The following REXO1 variants were observed in gnomAD, a reference collection of about 807,000 sequenced individuals.
REXO1 encodes the protein REX1, RNA exonuclease 1 homolog.
REXO1 carries 42 observed loss-of-function variants against 102.6 expected under a neutral mutation model. The ratio of observed to expected loss-of-function variants is 0.41; its 90% CI spans 0.32 to 0.53. REXO1 has a LOEUF of 0.53. Among genes scored for constraint, REXO1 ranks in the 20% least tolerant of loss-of-function variants. REXO1 has a pLI of 0.27. For synonymous variants in REXO1, 908 were observed against 779.1 expected (o/e 1.17, Z -2.76); for missense variants, 1,819 against 1,732.5 (o/e 1.05, Z -0.89).
At position 1,827,456 on chromosome 19, in the gene REXO1, T is replaced by C; in HGVS notation, c.1333A>G (p.Thr445Ala). The C allele has an allele frequency of 6.4e-7, 1 of 1,564,180 alleles. No homozygotes were observed. Among genetic ancestry groups the C allele is most frequent in the South Asian group, 1.2e-5 (1 of 86,202 alleles). ...KKPSSATPVATSGKGRPDRPA... is the reference protein window; with the variant it reads ...KKPSSATPVAASGKGRPDRPA... ...CGGTCAGGCCTCCCTTTCCCTGAGG[T>C]GGCCACAGGAGTGGCCGAAGATGGC... The change falls in exon 2 of 16, where the codon ACC becomes GCC. Residue 445 changes from threonine (T) to alanine (A), a missense_variant. Physicochemically the swap from Thr to Ala is moderately conservative, Grantham distance 58. Transcript: ENST00000170168.
rs1046074109 is a variant in REXO1, at chr19:1,815,270, T to G, written c.*796A>C. ...ATCTAAAATCCATACAAACATTTAT[T>G]CTGTCCCTGCCTGGAGGTGAGGGGG... On this transcript the variant is annotated 3_prime_UTR_variant, in exon 16 of 16. Coordinates refer to ENST00000170168, the MANE Select transcript of REXO1 (RefSeq NM_020695.4). This position sits in a 1 kb window ranked among gnomAD's most constrained non-coding sequence, Gnocchi z 4.0. 6.5e-6 allele frequency: 1 copy of G among 152,830 alleles called. No homozygotes were observed. The highest frequency in any genetic ancestry group is 2.4e-5 in the African/African-American group (1 of 41,440). 9.5% of individuals were successfully genotyped at this position (152,830 alleles called of 1,614,324 possible).
At chr19:1,843,794 C>CA (rs2011410895) in intron 1 of REXO1, among the ~76,000 whole-genome samples, 1 of 152,230 alleles carries the variant, frequency 6.6e-6, no homozygotes, top group South Asian at 2.1e-4. Flanking sequence ...CACAGGTGGT[C>CA]AGACGGTGCC....
intron 12 of REXO1, 84 bp downstream of exon 12, chr19:1,817,135 C>CCCAGATGGGG (rs371332447): frequency 0.74 from 1,066,035 of 1,439,156 alleles, 397,692 homozygotes; most frequent in Middle Eastern, 0.79. Context: ...GTGAGCCAGG[C>CCCAGATGGGG]CCAGATGGGG....
Position 1,827,475 on chromosome 19 carries a change from A to C in REXO1, c.1314T>G (p.Ser438=). 1 of 1,573,706 alleles carries C rather than the reference A, an allele frequency of 6.4e-7. No homozygotes were observed. The change falls in exon 2 of 16, where the codon TCT becomes TCG. Residue 438 remains serine (S), a synonymous_variant. Transcript: ENST00000170168. Reference sequence around the variant, plus strand: ...CTGAGGTGGCCACAGGAGTGGCCGAAGATGGCTTCTTCTTGGTCCCTTCCG... The same window carrying C: ...CTGAGGTGGCCACAGGAGTGGCCGACGATGGCTTCTTCTTGGTCCCTTCCG... The part of the protein sequence containing the change: ...ERPEGTKKKP[S]SATPVATSGK...
In REXO1 at chr19:1,827,900, G is replaced by A; in HGVS notation, c.889C>T (p.Pro297Ser). The A allele has an allele frequency of 1.2e-6, 2 of 1,613,764 alleles. No individual in the cohort carries two copies. The highest frequency in any genetic ancestry group is 8.5e-7 in the Non-Finnish European group (1 of 1,179,888). The change falls in exon 2 of 16, where the codon CCA becomes TCA. Residue 297 changes from proline (P) to serine (S), a missense_variant. Physicochemically the swap from Pro to Ser is moderately conservative, Grantham distance 74 (BLOSUM62 -1). Coordinates refer to ENST00000170168, the MANE Select transcript of REXO1 (RefSeq NM_020695.4). The part of the protein sequence containing the change: ...SDSEDEAATV[P>S]GNEPTTASTP... ...CTGGCCGTGGTGGGCTCGTTACCTG[G>A]GACCGTGGCGGCCTCATCTTCTGAG...
At chr19:1,830,421 A>G (rs1444302286) in intron 1 of REXO1, among the ~76,000 whole-genome samples, 1 of 152,242 alleles carries the variant, frequency 6.6e-6, no homozygotes, top group African/African-American at 2.4e-5. Context: ...AAGTGGGAGA[A>G]TCACTTGAGC....
chr19:1,839,835 T>C (rs2011209161), intron 1 of REXO1, among the ~76,000 whole-genome samples: 1 of 152,138 alleles, frequency 6.6e-6, no homozygotes, highest in Non-Finnish European at 1.5e-5. Context: ...GTGGAAGGCA[T>C]GGTGGAGCCC....
intron 1 of REXO1, among the ~76,000 whole-genome samples, chr19:1,840,038 T>C (rs2011214513): frequency 6.6e-6 from 1 of 152,204 alleles, no homozygotes; most frequent in Admixed American, 6.5e-5. Flanking sequence ...AAAAATGGAC[T>C]GTGACCCGTG....
rs199671835 is a variant in REXO1 at position 1,818,561 on chromosome 19, C to T, written c.2937G>A (p.Glu979=). The change falls in exon 10 of 16, where the codon GAG becomes GAA. Residue 979 remains glutamate (E), a synonymous_variant. Transcript: ENST00000170168. ...SCRTCCRCGT[E]YLVSSSGRCI... is the part of the protein sequence containing the mutation. Reference sequence around the variant, plus strand: ...AGCGGCCTGAAGAGGACACGAGGTACTCGGTGCCACAGCGGCAGCAGGTCC... The same window carrying T: ...AGCGGCCTGAAGAGGACACGAGGTATTCGGTGCCACAGCGGCAGCAGGTCC... 1.2e-6 allele frequency: 2 copies of T among 1,611,956 alleles called. No homozygotes were observed. The highest frequency in any genetic ancestry group is 1.7e-5 in the Admixed American group (1 of 59,926).
chr19:1,832,356 G>A (rs1469062750), intron 1 of REXO1, among the ~76,000 whole-genome samples: 2 of 152,236 alleles, frequency 1.3e-5, no homozygotes, highest in African/African-American at 4.8e-5. Context: ...CCACGGGGAC[G>A]AATGCAGCCT....
intron 1 of REXO1, among the ~76,000 whole-genome samples, chr19:1,836,988 A>G (rs2070058584): frequency 6.6e-6 from 1 of 152,190 alleles, no homozygotes; most frequent in Non-Finnish European, 1.5e-5. Context: ...GCGGCATGAG[A>G]TAAGCAAGAC....
chr19:1,817,538 A>G (rs960053756), intron 11 of REXO1, 169 bp downstream of exon 11: 11 of 1,461,182 alleles, frequency 7.5e-6, no homozygotes, highest in African/African-American at 1.4e-5. Flanking sequence ...GGCCAGGGAC[A>G]GGGCCTGGGG....
intron 3 of REXO1, among the ~76,000 whole-genome samples, chr19:1,824,879 G>T (rs944756563): frequency 6.6e-6 from 1 of 151,782 alleles, no homozygotes; most frequent in Non-Finnish European, 1.5e-5. Context: ...TCCACCTCCC[G>T]GGTTCAAGCA....
chr19:1,817,682 A>AG (rs1001830432), intron 11 of REXO1, 25 bp downstream of exon 11: 8 of 1,606,630 alleles, frequency 5.0e-6, no homozygotes, highest in Non-Finnish European at 8.5e-7. Context: ...GAACAGGCAG[A>AG]GGGGACTGGG....
rs2069396479 is a variant in REXO1 at position 1,817,271 on chromosome 19, T to C, written c.3149A>G (p.Lys1050Arg). 1 of 1,613,190 alleles carries C rather than the reference T, an allele frequency of 6.2e-7. No individual in the cohort carries two copies. The highest frequency in any genetic ancestry group is 8.5e-7 in the Non-Finnish European group (1 of 1,179,974). Residue 1050 changes from lysine (K) to arginine (R), a missense_variant, in exon 12 of 16, where the codon AAA becomes AGA. Physicochemically the swap from Lys to Arg is conservative, Grantham distance 26. Coordinates refer to ENST00000170168, the MANE Select transcript of REXO1 (RefSeq NM_020695.4). ...RLEGFVKTFE[K>R]ELSGDTHPGI... is the part of the protein sequence containing the mutation. ...CGGGTGGGTGTCTCCTGAGAGCTCTTTCTCAAAGGTCTTCACGAAGCCCTC... is the reference window on the plus strand; with the variant it reads ...CGGGTGGGTGTCTCCTGAGAGCTCTCTCTCAAAGGTCTTCACGAAGCCCTC...
At position 1,818,861 on chromosome 19, in the gene REXO1, G is replaced by T; in HGVS notation, c.2765-18C>A. 6.2e-7 allele frequency: 1 copy of T among 1,608,244 alleles called. No individual in the cohort carries two copies. The highest frequency in any genetic ancestry group is 8.5e-7 in the Non-Finnish European group (1 of 1,178,880). ...GGCAGCCCCTGTGGACAGGCACAGT[G>T]GTCAGCCCCTGCCTGGGATGGCCCA... On this transcript the variant is annotated intron_variant, in intron 8 of 15. Coordinates refer to ENST00000170168, the MANE Select transcript of REXO1 (RefSeq NM_020695.4).
At position 1,833,144 on chromosome 19, in the gene REXO1, G is replaced by T. The variant is rs536088370; in HGVS notation, c.158-4513C>A. On this transcript the variant is annotated intron_variant, in intron 1 of 15. Coordinates refer to ENST00000170168, the MANE Select transcript of REXO1 (RefSeq NM_020695.4). ...GAAGGCTGAGGTGGGAGGATCTCTT[G>T]AGCCTAAGAGGTCAAGGCTTCAATG... Among the ~76,000 whole-genome samples, 38 of 152,258 alleles carry T rather than the reference G, an allele frequency of 2.5e-4. 1 individual carries two copies. The South Asian group carries it at 3.7e-3, about 15-fold the overall frequency.
At position 1,827,389 on chromosome 19, in the gene REXO1, GGTC is replaced by G. The variant is rs2069764566; in HGVS notation, c.1397_1399del (p.Arg466del). 6.5e-7 allele frequency: 1 copy of G among 1,538,146 alleles called. No individual in the cohort carries two copies. The highest frequency in any genetic ancestry group is 8.7e-7 in the Non-Finnish European group (1 of 1,150,098). On this transcript the variant is annotated inframe_deletion, in exon 2 of 16. Transcript: ENST00000170168. ...GCGGGGTGGGCCTCTGCCGGCCGCC[GGTC>G]GGGAGTCCCCGCTTGTGGGGCTCGG...
At chr19:1,846,613 G>A (rs990435902) in intron 1 of REXO1, among the ~76,000 whole-genome samples, 15 of 152,204 alleles carry the variant, frequency 9.9e-5, no homozygotes, top group African/African-American at 3.4e-4. Context: ...CTTGCGCCGG[G>A]TGCAGTAGCT....
Sources: gnomAD v4.1 joint callset for allele counts (sites outside exome capture counted in the v4.1 genomes callset) on GRCh38, gnomAD v4.1.1 for gene constraint, Gnocchi (gnomAD v3.1) non-coding constraint, MANE v1.5 for transcripts, NCBI Gene and HGNC (gene_info 2026-07-23, HGNC 2026-07-21) for gene names.